NR2F1-AS1: variants seen among roughly 807,000 people sequenced by gnomAD.
NR2F1-AS1 encodes NR2F1 antisense RNA 1.
intron 4 of NR2F1-AS1, among the ~76,000 whole-genome samples, chr5:93,494,316 C>A (rs1750913910): frequency 6.6e-6 from 1 of 152,026 alleles, no homozygotes; most frequent in Admixed American, 6.6e-5. Flanking sequence ...CATTAGGATA[C>A]CTTTAATCAA....
chr5:93,553,817 C>G (rs1752287049), exon 4 of NR2F1-AS1: 1 of 152,206 alleles, frequency 6.6e-6, no homozygotes, highest in African/African-American at 2.4e-5. Context: ...GCTTCCTGAT[C>G]TAGCCAATTC....
intron 4 of NR2F1-AS1, among the ~76,000 whole-genome samples, chr5:93,420,878 C>A (rs1432062373): frequency 6.6e-6 from 1 of 152,190 alleles, no homozygotes; most frequent in Admixed American, 6.5e-5. Flanking sequence ...AGAACCAAGA[C>A]CCACTTGTAA....
chr5:93,534,191 C>CA (rs1751791790), intron 4 of NR2F1-AS1, among the ~76,000 whole-genome samples: 1 of 152,140 alleles, frequency 6.6e-6, no homozygotes, highest in Non-Finnish European at 1.5e-5. Flanking sequence ...AGCACCCTCA[C>CA]AAAAATTATC....
chr5:93,514,200 AG>A (rs1751357514), intron 4 of NR2F1-AS1, among the ~76,000 whole-genome samples: 1 of 152,114 alleles, frequency 6.6e-6, no homozygotes, highest in Admixed American at 6.6e-5. Flanking sequence ...AAGAATTGAG[AG>A]GAAAAAGAGA....
intron 4 of NR2F1-AS1, among the ~76,000 whole-genome samples, chr5:93,455,038 G>A (rs1580238770): frequency 1.3e-5 from 2 of 152,096 alleles, no homozygotes; most frequent in Admixed American, 6.6e-5. Flanking sequence ...CCAAGGATGG[G>A]GTCATGAGAA....
rs76750990 is a variant in NR2F1-AS1, at chr5:93,491,937, T to C, written n.638+61824A>G. Among the ~76,000 whole-genome samples the C allele has an allele frequency of 1.6e-4, 25 of 152,338 alleles. No homozygotes were observed. In the East Asian group the frequency reaches 4.8e-3, roughly 29 times the overall value. Reference sequence around the variant, plus strand: ...ATATTATAGGACCTCTTGGCTTCCATAATCACATAAGCCAATTCCCATAAT... The same window carrying C: ...ATATTATAGGACCTCTTGGCTTCCACAATCACATAAGCCAATTCCCATAAT... On this transcript the variant is annotated intron_variant and non_coding_transcript_variant, in intron 4 of 5. Transcript: ENST00000660523.
intron 4 of NR2F1-AS1, among the ~76,000 whole-genome samples, chr5:93,485,463 G>A (rs969023610): frequency 2.0e-5 from 3 of 151,404 alleles, no homozygotes; most frequent in African/African-American, 7.4e-5. Context: ...TTGAAGCAGT[G>A]TTTAGAGGGA....
upstream of NR2F1-AS1, among the ~76,000 whole-genome samples, chr5:93,582,453 T>C (rs982683858): frequency 3.3e-5 from 5 of 152,114 alleles, no homozygotes; most frequent in Non-Finnish European, 7.4e-5. Context: ...GATTAAAAAA[T>C]AGGGAGATCC....
At chr5:93,575,587 C>A (rs1752877719) in intron 1 of NR2F1-AS1, among the ~76,000 whole-genome samples, 1 of 152,156 alleles carries the variant, frequency 6.6e-6, no homozygotes, top group Non-Finnish European at 1.5e-5. Flanking sequence ...TCTTGTCTTG[C>A]CCCATTACCT....
chr5:93,582,772 G>GTA (rs1491504812), upstream of NR2F1-AS1, among the ~76,000 whole-genome samples: 1 of 134 alleles, frequency 7.5e-3, no homozygotes, highest in Non-Finnish European at 0.013. Flanking sequence ...GTGAGCGTAA[G>GTA]TGTGTGTGTG....
At chr5:93,491,330 A>G (rs1165145175) in intron 4 of NR2F1-AS1, among the ~76,000 whole-genome samples, 2 of 139,522 alleles carry the variant, frequency 1.4e-5, no homozygotes, top group African/African-American at 2.7e-5. Flanking sequence ...TAATGGTGGT[A>G]TTGATGAAGG....
intron 4 of NR2F1-AS1, among the ~76,000 whole-genome samples, chr5:93,549,667 G>C (rs376184174): frequency 5.9e-5 from 9 of 152,202 alleles, no homozygotes; most frequent in African/African-American, 1.7e-4. Context: ...GGGAATGACT[G>C]AATTTTGTGC....
At chr5:93,443,465 T>C (rs985290211) in intron 4 of NR2F1-AS1, among the ~76,000 whole-genome samples, 2 of 151,950 alleles carry the variant, frequency 1.3e-5, no homozygotes, top group African/African-American at 4.8e-5. Flanking sequence ...GAAGATTAAA[T>C]GAATGAAATG....
At chr5:93,428,060 C>T (rs981485245) in intron 4 of NR2F1-AS1, among the ~76,000 whole-genome samples, 2 of 152,126 alleles carry the variant, frequency 1.3e-5, no homozygotes, top group Non-Finnish European at 2.9e-5. Context: ...GTTATGGATG[C>T]TATACAGTAT....
intron 4 of NR2F1-AS1, among the ~76,000 whole-genome samples, chr5:93,458,739 G>C (rs1446503030): frequency 6.6e-6 from 1 of 152,200 alleles, no homozygotes; most frequent in Non-Finnish European, 1.5e-5. Flanking sequence ...GCCGGGCGCA[G>C]TGGCTCATGC....
At chr5:93,515,145 G>A (rs967146181) in intron 4 of NR2F1-AS1, among the ~76,000 whole-genome samples, 29 of 151,992 alleles carry the variant, frequency 1.9e-4, no homozygotes, top group African/African-American at 6.3e-4. Context: ...TTTAGCATAT[G>A]GACTTATTCC....
chr5:93,575,060 C>T (rs1031658845), intron 1 of NR2F1-AS1, among the ~76,000 whole-genome samples: 2 of 152,268 alleles, frequency 1.3e-5, no homozygotes, highest in Admixed American at 6.5e-5. Context: ...CCCAGGGTCT[C>T]TGCGATCTGG....
chr5:93,508,182 G>A (rs1413261385), intron 4 of NR2F1-AS1, among the ~76,000 whole-genome samples: 1 of 152,096 alleles, frequency 6.6e-6, no homozygotes, highest in Non-Finnish European at 1.5e-5. Flanking sequence ...GATGAACAAG[G>A]TGGAACGATT....
At chr5:93,428,607 A>G (rs1749243608) in intron 4 of NR2F1-AS1, among the ~76,000 whole-genome samples, 2 of 152,268 alleles carry the variant, frequency 1.3e-5, no homozygotes, top group Middle Eastern at 3.4e-3. Flanking sequence ...AGTGTATTCC[A>G]TAGAGTTAAA....
Sources: allele counts gnomAD v4.1 joint callset (sites outside exome capture counted in the v4.1 genomes callset), GRCh38; gene constraint gnomAD v4.1.1; transcripts MANE v1.5; gene names NCBI Gene and HGNC (gene_info 2026-07-23, HGNC 2026-07-21).